NPAS3: variants seen among roughly 807,000 people sequenced by gnomAD.
The protein encoded by NPAS3 is neuronal PAS domain protein 3, also known as neuronal PAS domain-containing protein 3.
In NPAS3, 14 loss-of-function variants were observed where a neutral mutation model predicts 73.1. The observed-to-expected ratio is 0.19, with a 90% confidence interval of 0.13 to 0.30. NPAS3 has a LOEUF of 0.30. NPAS3 is among the 10% of genes least tolerant of loss of function. The pLI is 1.00. For synonymous variants in NPAS3, 620 were observed against 541.5 expected, an observed-to-expected ratio of 1.14 and a Z score of -2.01; for missense variants, 1,096 against 1,250.0, an observed-to-expected ratio of 0.88 and a Z score of 1.86.
chr14:33,561,512 C>T (rs1386205369), intron 5 of NPAS3, among the ~76,000 whole-genome samples: 2 of 152,110 alleles, frequency 1.3e-5, no homozygotes, highest in East Asian at 1.9e-4. Flanking sequence ...TGATAGAAAC[C>T]GAGCTTTTGT....
At chr14:33,025,972 G>A (rs2039787053) in intron 1 of NPAS3, among the ~76,000 whole-genome samples, 1 of 152,070 alleles carries the variant, frequency 6.6e-6, no homozygotes, top group Non-Finnish European at 1.5e-5. Context: ...TCAAAATATT[G>A]AAAAAGAGAT....
intron 1 of NPAS3, among the ~76,000 whole-genome samples, chr14:33,044,270 A>G (rs2040432875): frequency 1.3e-5 from 2 of 152,110 alleles, no homozygotes; most frequent in African/African-American, 4.8e-5. Context: ...ATTGAATGTC[A>G]TTTTTGTCAT....
In NPAS3 at chr14:33,326,593, T is replaced by A. The variant is rs115041142; in HGVS notation, c.386-40593T>A. Among the ~76,000 whole-genome samples, 1,243 of 152,324 alleles carry A rather than the reference T, an allele frequency of 8.2e-3. 22 individuals are homozygous for A. Among genetic ancestry groups the A allele is most frequent in the African/African-American group, 0.028 (1,156 of 41,568 alleles). On this transcript the variant is annotated intron_variant, in intron 3 of 11. Transcript: ENST00000356141. ...ATATGCAGAAACAGTTTGCAAATTA[T>A]AGAACGTGAAAATCTAACTGCCAAT... is the stretch of plus-strand genomic sequence containing the variant.
chr14:33,522,515 C>G (rs1282715480), intron 4 of NPAS3, among the ~76,000 whole-genome samples: 1 of 152,044 alleles, frequency 6.6e-6, no homozygotes, highest in Non-Finnish European at 1.5e-5. Context: ...AAAAACGCCT[C>G]TACTCTTAAC....
chr14:33,671,706 C>G (rs568105555), intron 5 of NPAS3, among the ~76,000 whole-genome samples: 2 of 152,330 alleles, frequency 1.3e-5, no homozygotes, highest in Non-Finnish European at 2.9e-5. Context: ...TAAGTAAGTT[C>G]TCTTCCAGAG....
At chr14:33,236,385 T>G (rs146250946) in intron 3 of NPAS3, among the ~76,000 whole-genome samples, 1,548 of 152,252 alleles carry the variant, frequency 0.01, 10 homozygotes, top group Middle Eastern at 0.031. Context: ...CACTGTAATT[T>G]TATTTCTTAA....
chr14:33,088,196 C>G (rs1411329856), intron 2 of NPAS3, among the ~76,000 whole-genome samples: 1 of 152,182 alleles, frequency 6.6e-6, no homozygotes, highest in Non-Finnish European at 1.5e-5. Context: ...GGGTGCAGGA[C>G]AGTGGGTGCA....
At chr14:33,360,190 C>T (rs1205835012) in intron 3 of NPAS3, among the ~76,000 whole-genome samples, 2 of 152,198 alleles carry the variant, frequency 1.3e-5, no homozygotes, top group Non-Finnish European at 1.5e-5. Flanking sequence ...CCACCATAGC[C>T]CTGATGCCAG....
chr14:33,300,270 A>G (rs374077036), intron 3 of NPAS3, among the ~76,000 whole-genome samples: 11 of 152,320 alleles, frequency 7.2e-5, no homozygotes, highest in African/African-American at 2.4e-4. Flanking sequence ...AGCTCTAAGT[A>G]TTACAGTCTG....
intron 6 of NPAS3, among the ~76,000 whole-genome samples, chr14:33,710,377 ATCTT>A (rs2060783291): frequency 1.3e-5 from 2 of 152,190 alleles, no homozygotes; most frequent in African/African-American, 4.8e-5. Flanking sequence ...TTGAGATCTT[ATCTT>A]TCTTGTCCTG....
chr14:33,161,202 G>A (rs973238936), intron 2 of NPAS3, among the ~76,000 whole-genome samples: 12 of 152,154 alleles, frequency 7.9e-5, no homozygotes, highest in African/African-American at 2.7e-4. Flanking sequence ...AATATTTTCT[G>A]TATAGTTTCC....
At chr14:33,418,293 A>G (rs2048233945) in intron 4 of NPAS3, among the ~76,000 whole-genome samples, 1 of 151,960 alleles carries the variant, frequency 6.6e-6, no homozygotes. Flanking sequence ...GAGGGGCCAA[A>G]GGCTGAACAG....
chr14:33,319,395 A>G (rs757113940), intron 3 of NPAS3, among the ~76,000 whole-genome samples: 2 of 152,136 alleles, frequency 1.3e-5, no homozygotes, highest in Non-Finnish European at 2.9e-5. Context: ...CCAGATATTT[A>G]AAACTACAAT....
chr14:33,643,821 A>T (rs147979895), intron 5 of NPAS3, among the ~76,000 whole-genome samples: 13 of 152,348 alleles, frequency 8.5e-5, no homozygotes, highest in African/African-American at 3.1e-4. Flanking sequence ...AGAATTTTTC[A>T]AGCTCAAGTC....
chr14:33,680,531 T>C, intron 6 of NPAS3: 1 of 696,780 alleles, frequency 1.4e-6, no homozygotes, highest in South Asian at 1.5e-5. Flanking sequence ...AAGATTGTAA[T>C]GCATATACTT....
chr14:33,219,942 T>G (rs954380581), intron 3 of NPAS3, among the ~76,000 whole-genome samples: 8 of 152,168 alleles, frequency 5.3e-5, no homozygotes, highest in Non-Finnish European at 5.9e-5. Context: ...CATTTTCCTG[T>G]GTGCTGACAT....
At chr14:33,092,539 C>T (rs994890920) in intron 2 of NPAS3, among the ~76,000 whole-genome samples, 1 of 152,194 alleles carries the variant, frequency 6.6e-6, no homozygotes, top group Non-Finnish European at 1.5e-5. Flanking sequence ...AATGGCCATA[C>T]TGTCCAAGGT....
chr14:33,695,973 G>T (rs924346201), intron 6 of NPAS3, among the ~76,000 whole-genome samples: 1 of 152,152 alleles, frequency 6.6e-6, no homozygotes, highest in Non-Finnish European at 1.5e-5. Flanking sequence ...TTGAGAAATT[G>T]ACTGTATTCC....
chr14:33,791,425 C>G (rs1379581478), intron 9 of NPAS3, among the ~76,000 whole-genome samples: 1 of 152,182 alleles, frequency 6.6e-6, no homozygotes, highest in Non-Finnish European at 1.5e-5. Flanking sequence ...TGGGCCCTAA[C>G]AAACGAGTGC....
Sources: allele counts gnomAD v4.1 joint callset (sites outside exome capture counted in the v4.1 genomes callset), GRCh38; gene constraint gnomAD v4.1.1; transcripts MANE v1.5; gene names NCBI Gene and HGNC (gene_info 2026-07-23, HGNC 2026-07-21).